Variants in RDH12 observed in about 807,000 individuals in gnomAD.
RDH12 encodes all-trans and 9-cis retinol dehydrogenase.
RDH12 carries 21 observed loss-of-function variants against 34.0 expected under a neutral mutation model. The ratio of observed to expected loss-of-function variants is 0.62; its 90% CI spans 0.44 to 0.89. RDH12 has a LOEUF of 0.89. Ranked by LOEUF, RDH12 falls within the 40% of genes least tolerant of loss-of-function variation. RDH12 has a pLI of 0.00. For synonymous variants in RDH12, 198 were observed against 169.9 expected (o/e 1.17, Z -1.29); for missense variants, 394 against 398.6 (o/e 0.99, Z 0.10).
chr14:67,722,767 G>C (rs919405438), intron 3 of RDH12, 57 bp downstream of exon 3: 1 of 1,376,434 alleles, frequency 7.3e-7, no homozygotes, highest in East Asian at 2.3e-5. Context: ...ACTGGAAGCC[G>C]GTTCTCAGCT....
intron 1 of RDH12, among the ~76,000 whole-genome samples, chr14:67,709,753 G>T (rs1023625837): frequency 1.3e-5 from 2 of 152,166 alleles, no homozygotes; most frequent in Admixed American, 6.6e-5. Flanking sequence ...TAAAAAATTA[G>T]CAGGACTTTG....
chr14:67,721,177 G>A (rs2038119438), intron 2 of RDH12, among the ~76,000 whole-genome samples: 2 of 152,168 alleles, frequency 1.3e-5, no homozygotes, highest in African/African-American at 4.8e-5. Flanking sequence ...GGCTTCACAG[G>A]AAGGGACAGA....
At chr14:67,724,032 C>G (rs1003429078) in intron 3 of RDH12, among the ~76,000 whole-genome samples, 5 of 152,238 alleles carry the variant, frequency 3.3e-5, no homozygotes, top group African/African-American at 1.2e-4. Flanking sequence ...TGTGCCACCC[C>G]CCACAGAGTG....
chr14:67,716,019 C>A (rs1479616067), intron 1 of RDH12, among the ~76,000 whole-genome samples: 1 of 152,016 alleles, frequency 6.6e-6, no homozygotes, highest in Non-Finnish European at 1.5e-5. Context: ...CATGGTGAAA[C>A]CCCGTCTCTA....
chr14:67,721,723 CTT>C (rs1196568506), intron 2 of RDH12, among the ~76,000 whole-genome samples: 2 of 126,024 alleles, frequency 1.6e-5, no homozygotes, highest in Admixed American at 1.9e-4. Flanking sequence ...TAATTGAACA[CTT>C]AGAACAAGTG....
At chr14:67,725,929 T>C (rs2038179181) in intron 5 of RDH12, 122 bp from the exon 6 acceptor site, 2 of 776,228 alleles carry the variant, frequency 2.6e-6, no homozygotes, top group African/African-American at 1.7e-5. Context: ...GTGACTCCTA[T>C]CAAAATGTTA....
chr14:67,715,227 G>C (rs1158035578), intron 1 of RDH12: 1 of 127,900 alleles, frequency 7.8e-6, no homozygotes, highest in Non-Finnish European at 1.7e-5. Flanking sequence ...AAAATAAAAG[G>C]GGGGGAGCCC....
intron 3 of RDH12, among the ~76,000 whole-genome samples, chr14:67,723,377 G>A (rs1481989362): frequency 6.6e-6 from 1 of 152,148 alleles, no homozygotes; most frequent in Non-Finnish European, 1.5e-5. Flanking sequence ...GGGAATATAG[G>A]CAGGTGCCAC....
chr14:67,729,094 G>T (rs1594867335), intron 7 of RDH12, 97 bp from the exon 8 acceptor site: 2 of 1,247,312 alleles, frequency 1.6e-6, no homozygotes, highest in East Asian at 2.3e-5. Context: ...TGTTTCCTGA[G>T]TCCCTCCTTC....
At chr14:67,703,717 C>G (rs1262327612) in intron 1 of RDH12, among the ~76,000 whole-genome samples, 1 of 152,040 alleles carries the variant, frequency 6.6e-6, no homozygotes, top group African/African-American at 2.4e-5. Flanking sequence ...ACTCTGTTGC[C>G]CAGGCTGGAG....
chr14:67,705,767 T>C (rs2037944090), intron 1 of RDH12, among the ~76,000 whole-genome samples: 1 of 152,174 alleles, frequency 6.6e-6, no homozygotes, highest in Non-Finnish European at 1.5e-5. Flanking sequence ...TATTTCAAAA[T>C]AAGATGTTTT....
intron 1 of RDH12, among the ~76,000 whole-genome samples, chr14:67,719,707 G>C (rs1410993714): frequency 6.6e-6 from 1 of 152,082 alleles, no homozygotes; most frequent in Non-Finnish European, 1.5e-5. Flanking sequence ...TGAACTTCTG[G>C]TCTCACGTGA....
In RDH12 at chr14:67,724,788, T is replaced by C. The variant is rs115691902; in HGVS notation, c.187+197T>C. Among the ~76,000 whole-genome samples, 791 of 152,236 alleles carry C rather than the reference T, an allele frequency of 5.2e-3. 8 individuals are homozygous for C. Among genetic ancestry groups the C allele is most frequent in the African/African-American group, 0.017 (715 of 41,522 alleles). On this transcript the variant is annotated intron_variant, in intron 4 of 8. Coordinates refer to ENST00000551171, the MANE Select transcript of RDH12 (RefSeq NM_152443.3). ...AATAAACTGCTTCTTTCCTATTCCC[T>C]CTCTATTAAATAAAATAAGGAAAAC...
chr14:67,702,565 T>C (rs1046327923), intron 1 of RDH12, among the ~76,000 whole-genome samples: 5 of 152,340 alleles, frequency 3.3e-5, no homozygotes, highest in Non-Finnish European at 5.9e-5. Flanking sequence ...TAGGCAAATA[T>C]GTATGTTGAC....
intron 1 of RDH12, among the ~76,000 whole-genome samples, chr14:67,708,883 C>T (rs12884644): frequency 0.13 from 19,097 of 151,644 alleles, 1,467 homozygotes; most frequent in South Asian, 0.33. Flanking sequence ...ACCTCTGCCC[C>T]TCAGGTTCAA....
intron 1 of RDH12, among the ~76,000 whole-genome samples, chr14:67,709,970 C>A (rs971925514): frequency 6.6e-6 from 1 of 152,158 alleles, no homozygotes; most frequent in African/African-American, 2.4e-5. Flanking sequence ...TAATTTGCCT[C>A]CTTTGGAAAG....
chr14:67,729,333 C>T lies in RDH12; in HGVS notation c.801C>T (p.His267=). 6.3e-7 allele frequency: 1 copy of T among 1,599,328 alleles called. No individual in the cohort carries two copies. The part of the protein sequence containing the change: ...TAREGAQTSL[H]CALAEGLEPL... ...GGGAGGGGGCGCAGACCAGCCTGCA[C>T]TGCGCCCTGGCTGAGGGCCTGGAGC... The change falls in exon 8 of 9, where the codon CAC becomes CAT. Residue 267 remains histidine, a synonymous_variant. Transcript: ENST00000551171.
chr14:67,721,716 T>C (rs2038125016), intron 2 of RDH12, among the ~76,000 whole-genome samples: 1 of 143,744 alleles, frequency 7.0e-6, no homozygotes, highest in Non-Finnish European at 1.5e-5. Context: ...AATGTAATAA[T>C]TGAACACTTA....
chr14:67,716,196 CAAAA>C (rs11446343), intron 1 of RDH12, among the ~76,000 whole-genome samples: 1 of 108,712 alleles, frequency 9.2e-6, no homozygotes. Flanking sequence ...GACTCCGTCT[CAAAA>C]AAAAAAAAAA....
Sources: gnomAD v4.1 joint callset for allele counts (sites outside exome capture counted in the v4.1 genomes callset) on GRCh38, gnomAD v4.1.1 for gene constraint, MANE v1.5 for transcripts, NCBI Gene and HGNC (gene_info 2026-07-23, HGNC 2026-07-21) for gene names.